Variants in RALY observed in about 807,000 individuals in gnomAD.
RALY encodes the protein RALY heterogeneous nuclear ribonucleoprotein, also known as RNA-binding protein Raly.
Under a neutral mutation model 30.7 loss-of-function variants are expected in RALY, and 15 were observed. The ratio of observed to expected loss-of-function variants is 0.49; its 90% CI spans 0.33 to 0.75. RALY has a LOEUF of 0.75. RALY is among the 30% of genes least tolerant of loss of function. The pLI, the probability that RALY is intolerant of heterozygous loss-of-function variation, is 0.02. For synonymous variants in RALY, 177 were observed against 170.8 expected (o/e 1.04, Z -0.28); for missense variants, 339 against 414.3 (o/e 0.82, Z 1.58).
intron 1 of RALY, among the ~76,000 whole-genome samples, chr20:34,025,910 T>G (rs1273937903): frequency 6.7e-6 from 1 of 148,902 alleles, no homozygotes; most frequent in African/African-American, 2.5e-5. Flanking sequence ...TTTTTTTTTT[T>G]TTTTTTTTTT....
intron 1 of RALY, chr20:34,029,988 A>G (rs2032208506): frequency 6.6e-6 from 1 of 152,296 alleles, no homozygotes; most frequent in South Asian, 2.1e-4. Flanking sequence ...GCTAGAGATT[A>G]GAGAAGCCTC....
chr20:34,052,006 G>A (rs1315783311), intron 2 of RALY, among the ~76,000 whole-genome samples: 7 of 152,202 alleles, frequency 4.6e-5, no homozygotes, highest in Non-Finnish European at 1.0e-4. Context: ...GATAAGAAGG[G>A]AAGCAGGGTG....
intron 1 of RALY, among the ~76,000 whole-genome samples, chr20:33,995,685 A>G (rs1179119849): frequency 2.0e-5 from 3 of 152,054 alleles, no homozygotes; most frequent in Non-Finnish European, 4.4e-5. Flanking sequence ...CCTATGTGGG[A>G]GCTGAAAGGG....
At chr20:33,999,474 A>G (rs537576927) in intron 1 of RALY, among the ~76,000 whole-genome samples, 1 of 152,296 alleles carries the variant, frequency 6.6e-6, no homozygotes, top group South Asian at 2.1e-4. Context: ...GAGAGGAGAT[A>G]TTCAATCCTA....
At chr20:34,039,243 G>A (rs1157479162) in intron 2 of RALY, among the ~76,000 whole-genome samples, 1 of 152,240 alleles carries the variant, frequency 6.6e-6, no homozygotes, top group African/African-American at 2.4e-5. Flanking sequence ...TGCTGCAGGG[G>A]CAGTGACCTG....
At position 34,076,975 on chromosome 20, in the gene RALY, C is replaced by T. The variant is rs141841485; in HGVS notation, c.659-53C>T. On this transcript the variant is annotated intron_variant, in intron 7 of 9. Coordinates refer to ENST00000246194, the MANE Select transcript of RALY (RefSeq NM_016732.3). Reference sequence around the variant, plus strand: ...GCTTCCGCTAAGGTGCTGCCCTAGACAGCTACCCCAGGCTGAGTTTTATTC... The same window carrying T: ...GCTTCCGCTAAGGTGCTGCCCTAGATAGCTACCCCAGGCTGAGTTTTATTC... The T allele has an allele frequency of 7.2e-4, 1,151 of 1,609,244 alleles. 14 individuals carry two copies. In the East Asian group the frequency reaches 0.024, roughly 33 times the overall value.
intron 2 of RALY, among the ~76,000 whole-genome samples, chr20:34,051,370 T>A (rs185642523): frequency 4.4e-4 from 67 of 152,310 alleles, no homozygotes; most frequent in Non-Finnish European, 8.1e-4. Flanking sequence ...ACTTTCTAGT[T>A]GTGTGACCTT....
intron 2 of RALY, among the ~76,000 whole-genome samples, chr20:34,049,514 A>G (rs550843034): frequency 6.6e-6 from 1 of 152,286 alleles, no homozygotes; most frequent in East Asian, 1.9e-4. Flanking sequence ...AGAAGTCAGA[A>G]TTGAGCTGTG....
At chr20:34,035,426 T>C (rs1371813005) in intron 2 of RALY, among the ~76,000 whole-genome samples, 1 of 152,198 alleles carries the variant, frequency 6.6e-6, no homozygotes, top group Non-Finnish European at 1.5e-5. Context: ...GGTGATATTC[T>C]TATTTTATAA....
intron 2 of RALY, among the ~76,000 whole-genome samples, chr20:34,056,172 T>G (rs754934007): frequency 6.6e-6 from 1 of 152,176 alleles, no homozygotes; most frequent in Admixed American, 6.5e-5. Context: ...CATCCTAGAC[T>G]CTGGGCAAAC....
At chr20:34,077,537 G>GA (rs1555810510) in intron 8 of RALY, 1 of 531,426 alleles carries the variant, frequency 1.9e-6, no homozygotes, top group Non-Finnish European at 3.3e-6. Flanking sequence ...GGACATAAGG[G>GA]AGCACACACG....
intron 2 of RALY, among the ~76,000 whole-genome samples, chr20:34,064,632 C>A (rs972229840): frequency 3.9e-5 from 6 of 152,152 alleles, no homozygotes; most frequent in African/African-American, 9.7e-5. Flanking sequence ...CTCCCTACCC[C>A]CAACTCCCTT....
At chr20:34,003,268 T>C (rs1248240954) in intron 1 of RALY, among the ~76,000 whole-genome samples, 1 of 152,192 alleles carries the variant, frequency 6.6e-6, no homozygotes, top group Non-Finnish European at 1.5e-5. Flanking sequence ...ATCTGTGAAG[T>C]GGGGTTAACA....
At chr20:34,005,910 T>C (rs1372810757) in intron 1 of RALY, among the ~76,000 whole-genome samples, 1 of 152,272 alleles carries the variant, frequency 6.6e-6, no homozygotes, top group Non-Finnish European at 1.5e-5. Flanking sequence ...TTCTTCCATG[T>C]CTTTTTATGT....
chr20:34,053,341 C>T (rs533150843), intron 2 of RALY, among the ~76,000 whole-genome samples: 32 of 144,202 alleles, frequency 2.2e-4, no homozygotes, highest in Non-Finnish European at 4.7e-4. Flanking sequence ...ACCCTTTTCA[C>T]AAGTGCCTAG....
intron 2 of RALY, among the ~76,000 whole-genome samples, chr20:34,033,494 G>C (rs1475799220): frequency 6.6e-6 from 1 of 152,202 alleles, no homozygotes. Context: ...TGCTTCTACT[G>C]TGGTGGAAAG....
intron 2 of RALY, among the ~76,000 whole-genome samples, chr20:34,053,473 C>G (rs1296172441): frequency 7.3e-6 from 1 of 136,426 alleles, no homozygotes; most frequent in African/African-American, 2.7e-5. Flanking sequence ...TCATGGCTCA[C>G]TGCAGGTCCA....
intron 1 of RALY, among the ~76,000 whole-genome samples, chr20:34,025,688 A>T (rs11697947): frequency 0.6 from 88,225 of 147,586 alleles, 27,152 homozygotes; most frequent in South Asian, 0.82. Flanking sequence ...TGCTATTTTA[A>T]AAAAAAAAAA....
rs12481499 is a variant in RALY at position 34,051,407 on chromosome 20, T to C, written c.-10+19803T>C. On this transcript the variant is annotated intron_variant, in intron 2 of 9. Coordinates refer to ENST00000246194, the MANE Select transcript of RALY (RefSeq NM_016732.3). ...GGCAAGTTACTTGGCCTCTCTGAGC[T>C]CAGTTTCCTTCTCTGTAATACGAGG... Among the ~76,000 whole-genome samples, 337 of 152,312 alleles carry C rather than the reference T, an allele frequency of 2.2e-3. 1 individual carries two copies. The highest frequency in any genetic ancestry group is 4.1e-3 in the Non-Finnish European group (277 of 68,022).
Sources: allele counts gnomAD v4.1 joint callset (sites outside exome capture counted in the v4.1 genomes callset), GRCh38; gene constraint gnomAD v4.1.1; transcripts MANE v1.5; gene names NCBI Gene and HGNC (gene_info 2026-07-23, HGNC 2026-07-21).